CSMD1: variants seen among roughly 807,000 people sequenced by gnomAD.
CSMD1 encodes CUB and sushi domain-containing protein 1.
In CSMD1, 213 loss-of-function variants were observed where a neutral mutation model predicts 417.5. The ratio of observed to expected loss-of-function variants is 0.51; its 90% CI spans 0.46 to 0.57. The LOEUF (loss-of-function observed/expected upper bound fraction) is 0.57, where lower values mean the gene tolerates loss of function less well. Among genes scored for constraint, CSMD1 ranks in the 20% least tolerant of loss-of-function variants. The pLI is 0.00. For missense variants in CSMD1, 6,923 were observed against 4,529.7 expected (o/e 1.53, Z -15.17); for synonymous variants, 2,862 against 1,736.8 (o/e 1.65, Z -16.11).
intron 1 of CSMD1, among the ~76,000 whole-genome samples, chr8:4,907,677 A>T (rs945285674): frequency 1.3e-5 from 2 of 151,750 alleles, no homozygotes; most frequent in Non-Finnish European, 2.9e-5. Context: ...CTCCTAGTCA[A>T]CTACTAGAGT....
At chr8:3,184,564 C>G (rs1458190330) in intron 36 of CSMD1, among the ~76,000 whole-genome samples, 1 of 152,196 alleles carries the variant, frequency 6.6e-6, no homozygotes, top group Non-Finnish European at 1.5e-5. Context: ...TTGCCTTCTT[C>G]TTACGCATTT....
intron 1 of CSMD1, among the ~76,000 whole-genome samples, chr8:4,731,032 C>T (rs1040475661): frequency 1.4e-4 from 21 of 152,218 alleles, no homozygotes; most frequent in African/African-American, 4.3e-4. Context: ...AAGACGCTAA[C>T]GAATGAAGAG....
chr8:3,524,391 A>G (rs906325089), intron 10 of CSMD1, among the ~76,000 whole-genome samples: 8 of 151,814 alleles, frequency 5.3e-5, no homozygotes, highest in Non-Finnish European at 8.8e-5. Flanking sequence ...ACATACACAC[A>G]CATGCACACC....
At chr8:4,553,513 A>T (rs530771849) in intron 2 of CSMD1, among the ~76,000 whole-genome samples, 2 of 152,262 alleles carry the variant, frequency 1.3e-5, no homozygotes, top group East Asian at 3.9e-4. Flanking sequence ...GACTGCTTAA[A>T]AAGAGTTTTG....
chr8:3,977,320 C>A (rs976435084), intron 5 of CSMD1, among the ~76,000 whole-genome samples: 2 of 152,106 alleles, frequency 1.3e-5, no homozygotes, highest in African/African-American at 4.8e-5. Flanking sequence ...CATTCCTTTC[C>A]CAATGTCCTG....
intron 7 of CSMD1, among the ~76,000 whole-genome samples, chr8:3,630,019 G>A (rs1477805160): frequency 6.6e-6 from 1 of 151,994 alleles, no homozygotes; most frequent in Non-Finnish European, 1.5e-5. Flanking sequence ...AGTTTTATTT[G>A]TAAAAAGAAA....
intron 2 of CSMD1, among the ~76,000 whole-genome samples, chr8:4,455,949 A>AAAAAAAAAAAAAAAAAAAAC (rs1799445990): frequency 7.1e-6 from 1 of 141,298 alleles, no homozygotes; most frequent in Admixed American, 7.1e-5. Context: ...AAAAAAAAAA[A>AAAAAAAAAAAAAAAAAAAAC]AAAAAAAAAA....
In CSMD1 at chr8:3,988,337, T is replaced by C. The variant is rs527380437; in HGVS notation, c.818+9566A>G. ...AAAGAGCTTGCATCAAATTCTGAAA[T>C]AGCATAACTACTGCAATGTTTTTCA... On this transcript the variant is annotated intron_variant, in intron 5 of 69. Transcript: ENST00000635120. Among the ~76,000 whole-genome samples the C allele has an allele frequency of 5.8e-4, 88 of 152,312 alleles. No homozygotes were observed. In the South Asian group the frequency reaches 0.017, roughly 30 times the overall value.
intron 3 of CSMD1, among the ~76,000 whole-genome samples, chr8:4,085,879 A>G (rs1055943313): frequency 6.6e-6 from 1 of 152,126 alleles, no homozygotes; most frequent in Admixed American, 6.6e-5. Flanking sequence ...CTGTATTATT[A>G]TTGTACTCTA....
intron 3 of CSMD1, among the ~76,000 whole-genome samples, chr8:4,135,971 G>C (rs1340344243): frequency 3.3e-5 from 5 of 151,996 alleles, no homozygotes; most frequent in African/African-American, 1.2e-4. Flanking sequence ...CAAATACTGT[G>C]GAAGTCCTAG....
intron 2 of CSMD1, 38 bp from the exon 3 acceptor site, chr8:4,420,103 C>T (rs766926765): frequency 6.9e-7 from 1 of 1,443,088 alleles, no homozygotes. Flanking sequence ...GAGTTAAAAG[C>T]ATGAATTTGT....
intron 5 of CSMD1, among the ~76,000 whole-genome samples, chr8:3,761,500 ATT>A (rs57655479): frequency 4.7e-4 from 44 of 93,388 alleles, no homozygotes; most frequent in East Asian, 2.9e-3. Context: ...CAAAACGACC[ATT>A]TTTTTTTTTT....
intron 1 of CSMD1, among the ~76,000 whole-genome samples, chr8:4,671,254 C>A (rs1351363995): frequency 1.1e-4 from 16 of 152,234 alleles, no homozygotes; most frequent in Non-Finnish European, 1.5e-5. Flanking sequence ...TAGATAATTT[C>A]TTGGTGACTA....
At chr8:4,401,311 A>C (rs941657221) in intron 3 of CSMD1, among the ~76,000 whole-genome samples, 1 of 152,224 alleles carries the variant, frequency 6.6e-6, no homozygotes, top group African/African-American at 2.4e-5. Context: ...ATATTTCTAC[A>C]GGAATAAAAT....
chr8:4,521,805 CT>C (rs1803467917), intron 2 of CSMD1, among the ~76,000 whole-genome samples: 1 of 152,050 alleles, frequency 6.6e-6, no homozygotes, highest in Non-Finnish European at 1.5e-5. Flanking sequence ...AACCAAGCAC[CT>C]GGGTGGCCTA....
At chr8:4,511,219 C>G (rs184349849) in intron 2 of CSMD1, among the ~76,000 whole-genome samples, 38 of 152,200 alleles carry the variant, frequency 2.5e-4, no homozygotes, top group African/African-American at 8.7e-4. Flanking sequence ...CATTTTTAAC[C>G]TGTCCCAAAA....
chr8:4,831,350 A>G (rs73181596), intron 1 of CSMD1, among the ~76,000 whole-genome samples: 26,026 of 152,180 alleles, frequency 0.17, 2,898 homozygotes, highest in Non-Finnish European at 0.25. Context: ...ATACCTTATA[A>G]TTAACATCCT....
intron 2 of CSMD1, among the ~76,000 whole-genome samples, chr8:4,472,611 G>C (rs981466960): frequency 2.6e-5 from 4 of 151,926 alleles, no homozygotes; most frequent in Non-Finnish European, 5.9e-5. Context: ...TATTTAACAA[G>C]ATATTCTGCA....
chr8:4,854,586 C>T (rs868048405), intron 1 of CSMD1, among the ~76,000 whole-genome samples: 5 of 152,308 alleles, frequency 3.3e-5, no homozygotes, highest in Middle Eastern at 6.8e-3. Flanking sequence ...CAGGGCGAGG[C>T]ATTGCCTCAC....
Sources: allele counts gnomAD v4.1 joint callset (sites outside exome capture counted in the v4.1 genomes callset), GRCh38; gene constraint gnomAD v4.1.1; transcripts MANE v1.5; gene names NCBI Gene and HGNC (gene_info 2026-07-23, HGNC 2026-07-21).